YY1: variants seen among roughly 807,000 people sequenced by gnomAD.
The protein encoded by YY1 is transcriptional repressor protein YY1.
A neutral mutation model predicts 35.6 loss-of-function variants in YY1; 2 were observed. The ratio of observed to expected loss-of-function variants is 0.06; its 90% confidence interval spans 0.02 to 0.18. YY1 has a LOEUF of 0.18. Ranked by LOEUF, YY1 falls within the 10% of genes least tolerant of loss-of-function variation. YY1 has a pLI of 1.00. For missense variants in YY1, 322 were observed against 573.4 expected, an observed-to-expected ratio of 0.56 and a Z score of 4.48; for synonymous variants, 268 against 238.9, an observed-to-expected ratio of 1.12 and a Z score of -1.12.
intron 1 of YY1, among the ~76,000 whole-genome samples, chr14:100,250,852 A>T (rs1373677595): frequency 2.6e-5 from 4 of 151,688 alleles, no homozygotes; most frequent in African/African-American, 9.7e-5. Context: ...AAAAAAAAAA[A>T]AAAAAGGCCA....
At chr14:100,251,041 T>C (rs1890917136) in intron 1 of YY1, among the ~76,000 whole-genome samples, 1 of 152,154 alleles carries the variant, frequency 6.6e-6, no homozygotes, top group South Asian at 2.1e-4. Context: ...TTGATTTTTC[T>C]GATTAACATA....
chr14:100,253,272 A>G (rs528168577), intron 1 of YY1, among the ~76,000 whole-genome samples: 275 of 152,342 alleles, frequency 1.8e-3, no homozygotes, highest in Non-Finnish European at 3.0e-3. Flanking sequence ...TCGCTAGTCA[A>G]TAGAAATCAG....
chr14:100,250,498 G>A (rs921383584), intron 1 of YY1, among the ~76,000 whole-genome samples: 6 of 151,894 alleles, frequency 4.0e-5, no homozygotes, highest in African/African-American at 1.5e-4. Flanking sequence ...ATAGAAAATC[G>A]GGATCACAGG....
chr14:100,272,226 G>A (rs1279597731), intron 2 of YY1, among the ~76,000 whole-genome samples: 2 of 151,752 alleles, frequency 1.3e-5, no homozygotes, highest in Non-Finnish European at 2.9e-5. Context: ...AACCTGGGAG[G>A]CGGAGCTTGC....
Position 100,281,008 on chromosome 14 carries a change from C to T in YY1, c.*3408C>T, listed in dbSNP as rs986261839. The T allele has an allele frequency of 8.3e-5, 11 of 132,958 alleles. No homozygotes were observed. Among genetic ancestry groups the T allele is most frequent in the African/African-American group, 1.7e-4 (6 of 35,764 alleles). The allele number at this position is 132,958 out of a possible 1,614,324, so 8.2% of individuals were successfully genotyped here. A position where few individuals can be genotyped will look rare whatever the true frequency, so the allele number is the denominator to read the frequency against. On this transcript the variant is annotated 3_prime_UTR_variant, in exon 5 of 5. Coordinates refer to ENST00000262238, the MANE Select transcript of YY1 (RefSeq NM_003403.5). ...CCGGGAGGCGGAGCTTGCAGTGAGC[C>T]GAGATCGCACCACTGCACTCCAGCC...
chr14:100,249,748 G>GTTTTTTT (rs57119106), intron 1 of YY1, among the ~76,000 whole-genome samples: 3 of 141,028 alleles, frequency 2.1e-5, no homozygotes, highest in African/African-American at 8.0e-5. Flanking sequence ...GCTACTTACC[G>GTTTTTTT]TTTTTTTTTT....
chr14:100,249,399 C>T (rs1280134372), intron 1 of YY1, among the ~76,000 whole-genome samples: 3 of 152,016 alleles, frequency 2.0e-5, no homozygotes, highest in African/African-American at 4.8e-5. Context: ...GGATTACAGG[C>T]GTGAGACACC....
chr14:100,268,297 T>C (rs1891183914), intron 2 of YY1, among the ~76,000 whole-genome samples: 1 of 152,174 alleles, frequency 6.6e-6, no homozygotes. Context: ...CATACGCACA[T>C]GGGCAAAATA....
intron 1 of YY1, among the ~76,000 whole-genome samples, chr14:100,260,141 A>G (rs12897274): frequency 0.042 from 6,387 of 151,828 alleles, 222 homozygotes; most frequent in Non-Finnish European, 0.063. Flanking sequence ...GTGGAGTGCA[A>G]TCTCGGCTCA....
intron 3 of YY1, among the ~76,000 whole-genome samples, chr14:100,275,516 T>G (rs1295330701): frequency 6.6e-6 from 1 of 152,218 alleles, no homozygotes; most frequent in Non-Finnish European, 1.5e-5. Flanking sequence ...TTGAAAACAG[T>G]TAGGCTGGAA....
chr14:100,255,678 T>C (rs902367510), intron 1 of YY1, among the ~76,000 whole-genome samples: 25 of 152,154 alleles, frequency 1.6e-4, no homozygotes, highest in East Asian at 5.8e-4. Context: ...AGTACACTTA[T>C]TTTCAGCCAG....
At chr14:100,245,571 C>T (rs61992931) in intron 1 of YY1, among the ~76,000 whole-genome samples, 15,741 of 152,018 alleles carry the variant, frequency 0.1, 1,515 homozygotes, top group African/African-American at 0.25. Flanking sequence ...TCCCTAGATA[C>T]TAATGCTGTT....
In YY1 at chr14:100,273,430, C is replaced by T. The variant is rs181152373; in HGVS notation, c.843-1268C>T. Among the ~76,000 whole-genome samples the T allele has an allele frequency of 1.4e-3, 211 of 152,224 alleles. 2 individuals are homozygous for T. In the Middle Eastern group the frequency reaches 0.017, roughly 12 times the overall value. ...CGGCTTCCCGAGTGGTTGGGACTAT[C>T]GACACACACCACCATGCCTGGCTGA... is the stretch of plus-strand genomic sequence containing the variant. On this transcript the variant is annotated intron_variant, in intron 2 of 4. Transcript: ENST00000262238.
intron 2 of YY1, among the ~76,000 whole-genome samples, chr14:100,263,154 G>T (rs534256585): frequency 6.6e-6 from 1 of 152,220 alleles, no homozygotes; most frequent in African/African-American, 2.4e-5. Flanking sequence ...CAAGTGATCC[G>T]CCTGCCTTGG....
At chr14:100,249,100 A>ATTTT (rs60088505) in intron 1 of YY1, among the ~76,000 whole-genome samples, 605 of 46,820 alleles carry the variant, frequency 0.013, 80 homozygotes, top group Non-Finnish European at 0.018. Context: ...TTCTCGTGTA[A>ATTTT]TTTTTTTTTT....
chr14:100,271,606 A>T (rs139206903), intron 2 of YY1, among the ~76,000 whole-genome samples: 1 of 152,208 alleles, frequency 6.6e-6, no homozygotes, highest in Non-Finnish European at 1.5e-5. Context: ...CTCGGGTTTA[A>T]ATACGAAATT....
At chr14:100,258,772 G>A (rs1891039464) in intron 1 of YY1, among the ~76,000 whole-genome samples, 1 of 152,244 alleles carries the variant, frequency 6.6e-6, no homozygotes, top group Non-Finnish European at 1.5e-5. Context: ...TTGTAATGAT[G>A]TATAATTATA....
At chr14:100,240,355 C>T (rs1305459891) in intron 1 of YY1, among the ~76,000 whole-genome samples, 8 of 148,674 alleles carry the variant, frequency 5.4e-5, no homozygotes, top group Non-Finnish European at 9.0e-5. Context: ...CGCGGCCTCG[C>T]GGGCCAGGGA....
At chr14:100,256,185 C>T (rs540953858) in intron 1 of YY1, among the ~76,000 whole-genome samples, 2 of 152,078 alleles carry the variant, frequency 1.3e-5, no homozygotes, top group Admixed American at 6.5e-5. Context: ...TCACAGATTA[C>T]GATATAATTC....
Sources: allele counts gnomAD v4.1 joint callset (sites outside exome capture counted in the v4.1 genomes callset), GRCh38; gene constraint gnomAD v4.1.1; transcripts MANE v1.5; gene names NCBI Gene and HGNC (gene_info 2026-07-23, HGNC 2026-07-21).